MYO1D: variants seen among roughly 807,000 people sequenced by gnomAD.
MYO1D encodes unconventional myosin-Id.
A neutral mutation model predicts 122.0 loss-of-function variants in MYO1D; 83 were observed. That is an observed-to-expected ratio of 0.68 (90% CI 0.57 to 0.82). MYO1D has a LOEUF of 0.82. MYO1D is among the 40% of genes least tolerant of loss of function. The pLI, the probability that MYO1D is intolerant of heterozygous loss-of-function variation, is 0.00. For missense variants in MYO1D, 1,157 were observed against 1,269.5 expected (o/e 0.91, Z 1.35); for synonymous variants, 464 against 446.9 (o/e 1.04, Z -0.48).
intron 21 of MYO1D, among the ~76,000 whole-genome samples, chr17:32,553,740 C>G (rs1214466356): frequency 2.6e-5 from 4 of 152,102 alleles, no homozygotes; most frequent in Admixed American, 6.6e-5. Context: ...ATGTTATGTT[C>G]CTGAGAGTTC....
chr17:32,523,790 CAAAAAAAAAAAA>C (rs34905929), intron 21 of MYO1D, among the ~76,000 whole-genome samples: 1 of 91,670 alleles, frequency 1.1e-5, no homozygotes, highest in African/African-American at 4.4e-5. Flanking sequence ...GACCCTGTCT[CAAAAAAAAAAAA>C]AAAAAAAAAA....
chr17:32,721,168 T>C lies in MYO1D; in HGVS notation c.1768A>G (p.Ile590Val). 1 of 1,613,896 alleles carries C rather than the reference T, an allele frequency of 6.2e-7. No homozygotes were observed. Among genetic ancestry groups the C allele is most frequent in the Non-Finnish European group, 8.5e-7 (1 of 1,179,904 alleles). The change falls in exon 15 of 22, where the codon ATC (isoleucine) becomes GTC (valine). Residue 590 changes from isoleucine (I) to valine (V), a missense_variant. Coordinates refer to ENST00000318217, the MANE Select transcript of MYO1D (RefSeq NM_015194.3). ...ASKEPYYVRC[I>V]KPNDKKSPQI... Reference sequence around the variant, plus strand: ...GGAGATTTCTTGTCATTGGGTTTGATGCAACGAACGTAATATGGTTCCTAA... The same window carrying C: ...GGAGATTTCTTGTCATTGGGTTTGACGCAACGAACGTAATATGGTTCCTAA...
chr17:32,806,110 T>A (rs9891990), intron 1 of MYO1D, among the ~76,000 whole-genome samples: 5,812 of 152,082 alleles, frequency 0.038, 362 homozygotes, highest in African/African-American at 0.13. Flanking sequence ...TACAAAAAAA[T>A]TAGCCAGAAG....
chr17:32,849,936 T>C (rs2090972011), intron 1 of MYO1D, among the ~76,000 whole-genome samples: 1 of 152,220 alleles, frequency 6.6e-6, no homozygotes, highest in South Asian at 2.1e-4. Flanking sequence ...TTCACTATCA[T>C]GACATGTAAT....
At chr17:32,563,204 CTCTTTT>C (rs2087141987) in intron 21 of MYO1D, among the ~76,000 whole-genome samples, 3 of 105,130 alleles carry the variant, frequency 2.9e-5, no homozygotes, top group Middle Eastern at 0.013. Context: ...TTTTTCTTCT[CTCTTTT>C]TTTTTTTTTT....
At chr17:32,676,588 G>A (rs950005505) in intron 16 of MYO1D, among the ~76,000 whole-genome samples, 9 of 151,992 alleles carry the variant, frequency 5.9e-5, no homozygotes, top group East Asian at 1.9e-4. Context: ...GACTTCTAGA[G>A]GCGACTCTCC....
chr17:32,738,526 T>G, intron 13 of MYO1D, 141 bp from the exon 14 acceptor site: 1 of 858,138 alleles, frequency 1.2e-6, no homozygotes. Context: ...GGAATGATGA[T>G]TCCATCCAGA....
chr17:32,549,576 T>C (rs1034088328), intron 21 of MYO1D, among the ~76,000 whole-genome samples: 10 of 152,196 alleles, frequency 6.6e-5, no homozygotes, highest in African/African-American at 9.7e-5. Flanking sequence ...TAAGTTTAAA[T>C]GCACATAGCT....
chr17:32,741,284 G>T (rs1311023450), intron 13 of MYO1D, among the ~76,000 whole-genome samples: 1 of 150,764 alleles, frequency 6.6e-6, no homozygotes, highest in Non-Finnish European at 1.5e-5. Flanking sequence ...AGAAAAAATG[G>T]ATTCAAATTT....
intron 1 of MYO1D, among the ~76,000 whole-genome samples, chr17:32,839,542 G>A (rs2090858203): frequency 6.6e-6 from 1 of 152,174 alleles, no homozygotes; most frequent in African/African-American, 2.4e-5. Context: ...TGTGAACCTG[G>A]AAACACTGTG....
At chr17:32,744,786 T>C (rs1354533753) in intron 13 of MYO1D, among the ~76,000 whole-genome samples, 1 of 152,226 alleles carries the variant, frequency 6.6e-6, no homozygotes, top group Non-Finnish European at 1.5e-5. Flanking sequence ...CAGGGCTCAC[T>C]GACACTAGAT....
At chr17:32,541,734 A>G (rs983122867) in intron 21 of MYO1D, among the ~76,000 whole-genome samples, 2 of 152,142 alleles carry the variant, frequency 1.3e-5, no homozygotes, top group South Asian at 4.1e-4. Context: ...TAGGTACTCG[A>G]TGTGTGCATT....
intron 13 of MYO1D, among the ~76,000 whole-genome samples, chr17:32,741,282 T>C (rs189856203): frequency 5.7e-4 from 77 of 135,360 alleles, no homozygotes; most frequent in African/African-American, 1.9e-3. Context: ...AAAGAAAAAA[T>C]GGATTCAAAT....
intron 19 of MYO1D, among the ~76,000 whole-genome samples, chr17:32,650,225 T>C (rs2088370240): frequency 6.6e-6 from 1 of 152,240 alleles, no homozygotes; most frequent in Non-Finnish European, 1.5e-5. Flanking sequence ...TGTTGTTTTT[T>C]CACCAGTACT....
chr17:32,742,418 A>G (rs1001350261), intron 13 of MYO1D, among the ~76,000 whole-genome samples: 16 of 152,208 alleles, frequency 1.1e-4, no homozygotes, highest in African/African-American at 3.6e-4. Context: ...AGCCTGGGCT[A>G]TATTAGTTCA....
At chr17:32,578,677 AG>A (rs1206325511) in intron 21 of MYO1D, among the ~76,000 whole-genome samples, 1 of 152,230 alleles carries the variant, frequency 6.6e-6, no homozygotes. Context: ...CTTTTACAAA[AG>A]GTGCTTTCAA....
intron 21 of MYO1D, among the ~76,000 whole-genome samples, chr17:32,500,071 G>A (rs1393335400): frequency 1.3e-5 from 2 of 152,228 alleles, no homozygotes; most frequent in African/African-American, 4.8e-5. Context: ...AGGTCCTGGC[G>A]GGGAGGGGAG....
intron 1 of MYO1D, among the ~76,000 whole-genome samples, chr17:32,818,510 G>C (rs1188369736): frequency 6.6e-6 from 1 of 152,202 alleles, no homozygotes; most frequent in Non-Finnish European, 1.5e-5. Flanking sequence ...AAAAAATGGG[G>C]CTTGCAAGTT....
intron 16 of MYO1D, among the ~76,000 whole-genome samples, chr17:32,699,192 C>T (rs964847596): frequency 4.6e-5 from 7 of 151,876 alleles, no homozygotes; most frequent in South Asian, 2.1e-4. Context: ...CTCGAACTCC[C>T]GACCTCGTGA....
Sources: allele counts gnomAD v4.1 joint callset (sites outside exome capture counted in the v4.1 genomes callset), GRCh38; gene constraint gnomAD v4.1.1; transcripts MANE v1.5; gene names NCBI Gene and HGNC (gene_info 2026-07-23, HGNC 2026-07-21).